The following MIPOL1 variants were observed in gnomAD, a reference collection of about 807,000 sequenced individuals.
MIPOL1 encodes the protein mirror-image polydactyly 1.
Under a neutral mutation model 60.9 loss-of-function variants are expected in MIPOL1, and 57 were observed. The observed-to-expected ratio is 0.94, with a 90% CI of 0.76 to 1.17. The LOEUF is 1.17. Among genes scored for constraint, MIPOL1 ranks in the 50% most tolerant of loss-of-function variants. The pLI is 0.00. For missense variants in MIPOL1, 551 were observed against 511.6 expected (o/e 1.08, Z -0.74); for synonymous variants, 179 against 168.8 (o/e 1.06, Z -0.47).
intron 10 of MIPOL1, chr14:37,399,650 A>G (rs2093443970): frequency 6.6e-6 from 1 of 152,158 alleles, no homozygotes; most frequent in Non-Finnish European, 1.5e-5. Flanking sequence ...TTTCATATTT[A>G]CCATGCACTT....
At chr14:37,447,933 TC>T (rs1462386652) in intron 11 of MIPOL1, among the ~76,000 whole-genome samples, 1 of 152,074 alleles carries the variant, frequency 6.6e-6, no homozygotes, top group Non-Finnish European at 1.5e-5. Flanking sequence ...ACTAAAGAGA[TC>T]AAATGACTTG....
chr14:37,443,225 C>A (rs1045009541), intron 11 of MIPOL1, among the ~76,000 whole-genome samples: 1 of 151,854 alleles, frequency 6.6e-6, no homozygotes, highest in Admixed American at 6.6e-5. Flanking sequence ...AAATTGAAGC[C>A]GAAAGCAGGA....
intron 9 of MIPOL1, among the ~76,000 whole-genome samples, chr14:37,337,590 G>A (rs1007388482): frequency 2.0e-5 from 3 of 150,986 alleles, no homozygotes; most frequent in Non-Finnish European, 4.4e-5. Flanking sequence ...GGCTGGTCTC[G>A]AATTCCTGAC....
At chr14:37,538,626 G>A (rs117837522) in intron 12 of MIPOL1, among the ~76,000 whole-genome samples, 6 of 152,180 alleles carry the variant, frequency 3.9e-5, no homozygotes, top group East Asian at 3.9e-4. Context: ...TCAGCTGCTC[G>A]TGCTCCACCC....
At chr14:37,292,957 G>T (rs1448994143) in intron 7 of MIPOL1, among the ~76,000 whole-genome samples, 1 of 152,052 alleles carries the variant, frequency 6.6e-6, no homozygotes, top group African/African-American at 2.4e-5. Flanking sequence ...TCTGCCTGTG[G>T]GATTTTGCTT....
At chr14:37,283,116 A>C (rs577544104) in intron 6 of MIPOL1, among the ~76,000 whole-genome samples, 1 of 152,060 alleles carries the variant, frequency 6.6e-6, no homozygotes, top group South Asian at 2.1e-4. Context: ...TCCAGGTTGG[A>C]GTGCAATAGC....
At chr14:37,511,233 CA>C (rs1190344737) in intron 12 of MIPOL1, among the ~76,000 whole-genome samples, 1 of 152,090 alleles carries the variant, frequency 6.6e-6, no homozygotes, top group African/African-American at 2.4e-5. Flanking sequence ...ACCTCATCAC[CA>C]AAAAATATCT....
rs577590618 is a variant in MIPOL1 at position 37,528,263 on chromosome 14, C to A, written c.1263-18642C>A. On this transcript the variant is annotated intron_variant, in intron 12 of 12. Coordinates refer to ENST00000684589, the MANE Select transcript of MIPOL1 (RefSeq NM_001388067.1). ...CACTTAGCATATTATGAAAAACTTC[C>A]TATGTTATTATATATAATCTTTTAC... Among the ~76,000 whole-genome samples, 21 of 151,962 alleles carry A rather than the reference C, an allele frequency of 1.4e-4. No individual in the cohort carries two copies. In the South Asian group the frequency reaches 4.2e-3, roughly 30 times the overall value.
At chr14:37,340,751 T>C (rs556554100) in intron 9 of MIPOL1, among the ~76,000 whole-genome samples, 1 of 151,856 alleles carries the variant, frequency 6.6e-6, no homozygotes, top group African/African-American at 2.4e-5. Context: ...AGCAGAAACA[T>C]ATTTTTTATA....
At chr14:37,432,444 G>T (rs991161315) in intron 11 of MIPOL1, among the ~76,000 whole-genome samples, 1 of 152,216 alleles carries the variant, frequency 6.6e-6, no homozygotes, top group African/African-American at 2.4e-5. Context: ...ATGTTTTTTT[G>T]TGTGCATTGC....
At chr14:37,262,777 A>T (rs1323105673) in intron 3 of MIPOL1, among the ~76,000 whole-genome samples, 2 of 152,132 alleles carry the variant, frequency 1.3e-5, no homozygotes, top group Admixed American at 6.6e-5. Context: ...GGATGTTGCT[A>T]TTCTGAGTAA....
chr14:37,410,602 T>A lies in MIPOL1; in HGVS notation c.937-12253T>A, dbSNP rs1380911297. On this transcript the variant is annotated intron_variant, in intron 10 of 12. Coordinates refer to ENST00000684589, the MANE Select transcript of MIPOL1 (RefSeq NM_001388067.1). The stretch of plus-strand genomic sequence containing the variant: ...ACAAAAGAAAAGTGACTAATATAAA[T>A]GAATATTCGGTCAACAAAATAGTAA... Among the ~76,000 whole-genome samples, 3 of 152,038 alleles carry A rather than the reference T, an allele frequency of 2.0e-5. No individual in the cohort carries two copies. In the East Asian group the frequency reaches 5.8e-4, roughly 29 times the overall value.
rs567810835 is a variant in MIPOL1 at position 37,421,379 on chromosome 14, G to C, written c.937-1476G>C. On this transcript the variant is annotated intron_variant, in intron 10 of 12. Transcript: ENST00000684589. ...TTCCTTAAATGCATGTCTGAAGTCT[G>C]AAGTTTTTAAAGTTGAATGTGATAT... is the stretch of plus-strand genomic sequence containing the variant. Among the ~76,000 whole-genome samples, 9 of 152,248 alleles carry C rather than the reference G, an allele frequency of 5.9e-5. No individual in the cohort carries two copies. In the East Asian group the frequency reaches 1.7e-3, roughly 29 times the overall value.
At chr14:37,444,354 A>G (rs574097780) in intron 11 of MIPOL1, among the ~76,000 whole-genome samples, 1 of 152,310 alleles carries the variant, frequency 6.6e-6, no homozygotes, top group African/African-American at 2.4e-5. Context: ...TGAAAACTAC[A>G]GATTGCTGAA....
chr14:37,405,789 T>C (rs1464116246), intron 10 of MIPOL1, among the ~76,000 whole-genome samples: 1 of 151,974 alleles, frequency 6.6e-6, no homozygotes, highest in African/African-American at 2.4e-5. Flanking sequence ...GTTATAATTC[T>C]TTGCTAGATA....
intron 9 of MIPOL1, among the ~76,000 whole-genome samples, chr14:37,339,855 G>C (rs9989229): frequency 0.75 from 113,995 of 152,046 alleles, 43,021 homozygotes; most frequent in East Asian, 0.86. Flanking sequence ...GGCTTAAGAG[G>C]GGGTACCAAG....
At chr14:37,287,115 T>A (rs937330837) in intron 7 of MIPOL1, among the ~76,000 whole-genome samples, 1 of 152,068 alleles carries the variant, frequency 6.6e-6, no homozygotes, top group East Asian at 1.9e-4. Context: ...GTTTTTTTGG[T>A]CTACAAAATG....
In MIPOL1 at chr14:37,526,154, T is replaced by C. The variant is rs546811873; in HGVS notation, c.1263-20751T>C. On this transcript the variant is annotated intron_variant, in intron 12 of 12. Transcript: ENST00000684589. The stretch of plus-strand genomic sequence containing the variant: ...TTAATAATTTGACTAAATATTAGTC[T>C]CTCATAATCAAGCCTCTGTAGTCAG... 3.3e-5 allele frequency among the ~76,000 whole-genome samples: 5 copies of C among 151,592 alleles called. No individual in the cohort carries two copies. In the South Asian group the frequency reaches 1.0e-3, roughly 32 times the overall value.
At chr14:37,469,654 C>T (rs1329524202) in intron 11 of MIPOL1, among the ~76,000 whole-genome samples, 1 of 152,118 alleles carries the variant, frequency 6.6e-6, no homozygotes, top group Non-Finnish European at 1.5e-5. Flanking sequence ...GCCACTATAA[C>T]AATATTAAGA....
Sources: gnomAD v4.1 joint callset for allele counts (sites outside exome capture counted in the v4.1 genomes callset) on GRCh38, gnomAD v4.1.1 for gene constraint, MANE v1.5 for transcripts, NCBI Gene and HGNC (gene_info 2026-07-23, HGNC 2026-07-21) for gene names.